Variants in PPP2R3A observed in about 807,000 individuals in gnomAD.
The protein encoded by PPP2R3A is protein phosphatase 2 regulatory subunit B''alpha, also known as serine/threonine-protein phosphatase 2A regulatory subunit B'' subunit alpha.
Under a neutral mutation model 106.9 loss-of-function variants are expected in PPP2R3A, and 80 were observed. The observed-to-expected ratio is 0.75, with a 90% CI of 0.62 to 0.90. The LOEUF is 0.90. Ranked by LOEUF, PPP2R3A falls within the 40% of genes least tolerant of loss-of-function variation. The pLI, the probability that PPP2R3A is intolerant of heterozygous loss-of-function variation, is 0.00. For synonymous variants in PPP2R3A, 483 were observed against 468.3 expected, an observed-to-expected ratio of 1.03 and a Z score of -0.41; for missense variants, 1,386 against 1,350.4, an observed-to-expected ratio of 1.03 and a Z score of -0.41.
chr3:136,013,188 A>ATGTATGTG (rs1934149441), intron 2 of PPP2R3A, among the ~76,000 whole-genome samples: 3 of 130,796 alleles, frequency 2.3e-5, no homozygotes, highest in African/African-American at 9.0e-5. Flanking sequence ...GTGTGTATGT[A>ATGTATGTG]TGTATGTATG....
chr3:136,027,936 C>A (rs1311714016), intron 3 of PPP2R3A, among the ~76,000 whole-genome samples: 1 of 152,140 alleles, frequency 6.6e-6, no homozygotes, highest in African/African-American at 2.4e-5. Flanking sequence ...AGAAGGGTTC[C>A]CCTGCTTTCA....
Position 136,087,947 on chromosome 3 carries a change from A to C in PPP2R3A, c.2837+16A>C, listed in dbSNP as rs768776350. On this transcript the variant is annotated intron_variant, in intron 9 of 13. Coordinates refer to ENST00000264977, the MANE Select transcript of PPP2R3A (RefSeq NM_002718.5). ...CAGTAACAAGGTAAGAAAACGTTTAATGCTGTGTTTAAAAATGAACTACAA... is the reference window on the plus strand; with the variant it reads ...CAGTAACAAGGTAAGAAAACGTTTACTGCTGTGTTTAAAAATGAACTACAA... 6.3e-7 allele frequency: 1 copy of C among 1,589,510 alleles called. No individual in the cohort carries two copies. Among genetic ancestry groups the C allele is most frequent in the Non-Finnish European group, 8.6e-7 (1 of 1,159,274 alleles).
chr3:135,982,713 C>T lies in PPP2R3A; in HGVS notation c.-441+16864C>T, dbSNP rs191112643. On this transcript the variant is annotated intron_variant, in intron 1 of 13. Coordinates refer to ENST00000264977, the MANE Select transcript of PPP2R3A (RefSeq NM_002718.5). ...TCCCCTTTGGATTCTTGAAGTTGAA[C>T]CTTGCTCTCAGTTCTGCTTTCCCAT... Among the ~76,000 whole-genome samples the T allele has an allele frequency of 2.0e-5, 3 of 152,264 alleles. No individual in the cohort carries two copies. The East Asian group carries it at 5.8e-4, about 29-fold the overall frequency.
In PPP2R3A at chr3:136,147,078, T is replaced by A. The variant is rs1939166128; in HGVS notation, c.*1912T>A. ...ACTTTGATCTGGTTTTTGAAGTCTCTTAATTATTGGCTGGGCATGGTGACT... is the reference window on the plus strand; with the variant it reads ...ACTTTGATCTGGTTTTTGAAGTCTCATAATTATTGGCTGGGCATGGTGACT... On this transcript the variant is annotated 3_prime_UTR_variant, in exon 14 of 14. Coordinates refer to ENST00000264977, the MANE Select transcript of PPP2R3A (RefSeq NM_002718.5). 1 of 152,138 alleles carries A rather than the reference T, an allele frequency of 6.6e-6. No homozygotes were observed. Among genetic ancestry groups the A allele is most frequent in the African/African-American group, 2.4e-5 (1 of 41,388 alleles). 9.4% of individuals were successfully genotyped at this position (152,138 alleles called of 1,614,324 possible).
In PPP2R3A at chr3:136,146,134, G is replaced by A. The variant is rs1294694359; in HGVS notation, c.*968G>A. 1.3e-5 allele frequency: 2 copies of A among 152,192 alleles called. No homozygotes were observed. Among genetic ancestry groups the A allele is most frequent in the South Asian group, 4.1e-4 (2 of 4,826 alleles). The allele number at this position is 152,192 out of a possible 1,614,324, so 9.4% of individuals were successfully genotyped here. ...CTTCATGTTGAAAACAATTACTACA[G>A]ATATTTCATCCACCTCAGTATTTAT... is the stretch of plus-strand genomic sequence containing the variant. On this transcript the variant is annotated 3_prime_UTR_variant, in exon 14 of 14. Transcript: ENST00000264977.
intron 5 of PPP2R3A, among the ~76,000 whole-genome samples, chr3:136,057,734 A>G (rs957626237): frequency 6.6e-6 from 1 of 152,208 alleles, no homozygotes; most frequent in African/African-American, 2.4e-5. Context: ...AAGCAAATTA[A>G]AACCACAATG....
Position 136,003,072 on chromosome 3 carries a change from C to A in PPP2R3A, c.1574C>A (p.Thr525Asn). The A allele has an allele frequency of 6.2e-7, 1 of 1,611,448 alleles. No individual in the cohort carries two copies. Among genetic ancestry groups the A allele is most frequent in the Non-Finnish European group, 8.5e-7 (1 of 1,179,352 alleles). Residue 525 changes from threonine to asparagine, a missense_variant, in exon 2 of 14, where the codon ACC (threonine) becomes AAC (asparagine). Thr to Asn is a moderately conservative substitution (Grantham distance 65, BLOSUM62 0). Transcript: ENST00000264977. ...GAATCTTTTTCACAGAAGATGGAGA[C>A]CTCTCTAAGAGAGCCACTTGCGAAG... ...DLESFSQKME[T>N]SLREPLAKGK...
chr3:135,996,773 G>T (rs1466236149), intron 1 of PPP2R3A, among the ~76,000 whole-genome samples: 1 of 152,090 alleles, frequency 6.6e-6, no homozygotes. Flanking sequence ...TTCCTAATCA[G>T]ATACCTCCTT....
In PPP2R3A at chr3:136,145,296, C is replaced by T; in HGVS notation, c.*130C>T. On this transcript the variant is annotated 3_prime_UTR_variant, in exon 14 of 14. Transcript: ENST00000264977. ...AAGTGTGTATCATCTGCACTAGGAA[C>T]TTTGTTTTTAAGCAATAGGTCTGGA... The T allele has an allele frequency of 5.7e-6, 7 of 1,237,896 alleles. No homozygotes were observed. Among genetic ancestry groups the T allele is most frequent in the Non-Finnish European group, 7.5e-6 (7 of 929,050 alleles). The allele number at this position is 1,237,896 out of a possible 1,614,324, so 76.7% of individuals were successfully genotyped here. A position where few individuals can be genotyped will look rare whatever the true frequency, so the allele number is the denominator to read the frequency against.
chr3:136,052,044 G>A (rs1293047106), intron 5 of PPP2R3A, among the ~76,000 whole-genome samples: 1 of 152,108 alleles, frequency 6.6e-6, no homozygotes, highest in Non-Finnish European at 1.5e-5. Flanking sequence ...ATAGTTTTTG[G>A]CATTTAATTA....
intron 13 of PPP2R3A, among the ~76,000 whole-genome samples, chr3:136,133,065 T>C (rs959028932): frequency 6.6e-6 from 1 of 152,146 alleles, no homozygotes; most frequent in Admixed American, 6.5e-5. Context: ...TAGAACTAAC[T>C]GTAAGGGCTA....
chr3:135,995,450 T>C (rs1933353263), intron 1 of PPP2R3A, among the ~76,000 whole-genome samples: 2 of 135,600 alleles, frequency 1.5e-5, no homozygotes, highest in Non-Finnish European at 3.1e-5. Flanking sequence ...TTGACAGATT[T>C]TTTTTTTTTT....
At chr3:136,036,093 G>A (rs1935076693) in intron 3 of PPP2R3A, among the ~76,000 whole-genome samples, 1 of 151,788 alleles carries the variant, frequency 6.6e-6, no homozygotes, top group Non-Finnish European at 1.5e-5. Flanking sequence ...TTTTATTTAT[G>A]CTATTTCCTT....
chr3:135,976,252 T>C (rs1323324374), intron 1 of PPP2R3A, among the ~76,000 whole-genome samples: 1 of 152,218 alleles, frequency 6.6e-6, no homozygotes, highest in Non-Finnish European at 1.5e-5. Flanking sequence ...TGTGACTCTC[T>C]GAAGTCTCCT....
At chr3:136,098,979 C>T (rs150773115) in intron 10 of PPP2R3A, among the ~76,000 whole-genome samples, 57 of 152,250 alleles carry the variant, frequency 3.7e-4, no homozygotes, top group African/African-American at 1.3e-3. Context: ...GAGCATTGGG[C>T]ACAGTTGAGA....
chr3:136,057,406 A>C (rs766387365), intron 5 of PPP2R3A, among the ~76,000 whole-genome samples: 6 of 152,218 alleles, frequency 3.9e-5, no homozygotes, highest in Non-Finnish European at 7.4e-5. Flanking sequence ...AGCAAAGCAC[A>C]GAAAGATAAA....
At chr3:135,972,911 G>A (rs1003083974) in intron 1 of PPP2R3A, among the ~76,000 whole-genome samples, 2 of 152,076 alleles carry the variant, frequency 1.3e-5, no homozygotes, top group African/African-American at 4.8e-5. Context: ...TCACTTTCTT[G>A]TTAGTGTTCT....
chr3:136,137,074 C>G (rs770455317), intron 13 of PPP2R3A, among the ~76,000 whole-genome samples: 6 of 152,108 alleles, frequency 3.9e-5, no homozygotes, highest in Non-Finnish European at 8.8e-5. Context: ...AAATGTGTTA[C>G]CTATATGAAG....
intron 1 of PPP2R3A, among the ~76,000 whole-genome samples, chr3:135,981,788 C>T (rs182879274): frequency 2.6e-4 from 40 of 151,526 alleles, no homozygotes; most frequent in Non-Finnish European, 8.8e-5. Flanking sequence ...GGGCCAGGGT[C>T]GAGGGAGAGG....
Sources: allele counts gnomAD v4.1 joint callset (sites outside exome capture counted in the v4.1 genomes callset), GRCh38; gene constraint gnomAD v4.1.1; transcripts MANE v1.5; gene names NCBI Gene and HGNC (gene_info 2026-07-23, HGNC 2026-07-21).